SASH1: variants seen among roughly 807,000 people sequenced by gnomAD.
SASH1 encodes the protein SAM and SH3 domain-containing protein 1.
A neutral mutation model predicts 125.2 loss-of-function variants in SASH1; 44 were observed. The observed-to-expected ratio is 0.35, with a 90% CI of 0.28 to 0.45. SASH1 has a LOEUF of 0.45. SASH1 is among the 20% of genes least tolerant of loss of function. The pLI is 1.00. For synonymous variants in SASH1, 639 were observed against 649.1 expected (o/e 0.98, Z 0.24); for missense variants, 1,426 against 1,614.5 (o/e 0.88, Z 2.00).
At chr6:148,410,099 CTTTTTTTTTTTTTTTTT>C (rs869081496) in intron 2 of SASH1, among the ~76,000 whole-genome samples, 1 of 55,710 alleles carries the variant, frequency 1.8e-5, no homozygotes, top group African/African-American at 7.3e-5. Flanking sequence ...CAGAGCAGTC[CTTTTTTTTTTTTTTTTT>C]TTTTTTTTTT....
intron 4 of SASH1, among the ~76,000 whole-genome samples, chr6:148,453,653 G>T (rs1431542639): frequency 6.6e-6 from 1 of 152,140 alleles, no homozygotes; most frequent in Non-Finnish European, 1.5e-5. Context: ...GGCAGCTCAG[G>T]AAGTTTAATT....
rs1491446169 is a variant in SASH1, at chr6:148,387,498, T to TCTCTCTC, written c.157-2635_157-2629dup. 2.2e-5 allele frequency among the ~76,000 whole-genome samples: 3 copies of TCTCTCTC among 136,608 alleles called. 1 individual carries two copies. Among genetic ancestry groups the TCTCTCTC allele is most frequent in the Non-Finnish European group, 4.8e-5 (3 of 62,838 alleles). The allele number at this position is 136,608 out of a possible 152,430, so 89.6% of individuals were successfully genotyped here. A position where few individuals can be genotyped will look rare whatever the true frequency, so the allele number is the denominator to read the frequency against. On this transcript the variant is annotated intron_variant, in intron 1 of 19. Coordinates refer to ENST00000367467, the MANE Select transcript of SASH1 (RefSeq NM_015278.5). ...TCTTCTCTTCCCTTCCCTTCTCTCT[T>TCTCTCTC]CTCTCTCTTTCTTTTTCCTTCTTTC... is the stretch of plus-strand genomic sequence containing the variant.
intron 8 of SASH1, among the ~76,000 whole-genome samples, chr6:148,506,948 T>A (rs1406127054): frequency 6.6e-6 from 1 of 152,190 alleles, no homozygotes; most frequent in African/African-American, 2.4e-5. Flanking sequence ...TGCAAATGTT[T>A]AGCACAGTGC....
the SASH1 span, among the ~76,000 whole-genome samples, chr6:148,264,078 G>A: frequency 6.6e-6 from 1 of 151,000 alleles, no homozygotes; most frequent in Non-Finnish European, 1.5e-5. Context: ...CATAGGGCTG[G>A]ATGTAACTTT....
the SASH1 span, among the ~76,000 whole-genome samples, chr6:148,229,142 A>AAC: frequency 1.8e-4 from 21 of 117,568 alleles, no homozygotes; most frequent in African/African-American, 6.4e-4. Context: ...TCAAAAAAAA[A>AAC]AAAAAAAAAA....
At chr6:148,350,472 T>A (rs1410991286) in intron 1 of SASH1, among the ~76,000 whole-genome samples, 1 of 152,176 alleles carries the variant, frequency 6.6e-6, no homozygotes, top group East Asian at 1.9e-4. Context: ...TAGAGTACAG[T>A]GAAATAGTGG....
chr6:148,544,988 G>A lies in SASH1; in HGVS notation c.3348+170G>A, dbSNP rs527776458. Among the ~76,000 whole-genome samples, 231 of 152,220 alleles carry A rather than the reference G, an allele frequency of 1.5e-3. 1 individual carries two copies. The highest frequency in any genetic ancestry group is 2.9e-3 in the Non-Finnish European group (195 of 68,018). On this transcript the variant is annotated intron_variant, in intron 18 of 19. Transcript: ENST00000367467. This position sits in a 1 kb window ranked among gnomAD's most constrained non-coding sequence, Gnocchi z 6.4. ...CTTGACATGCATGTGTTCAGATATT[G>A]ACACCACCCCATTTCATCTCTCCGT...
intron 1 of SASH1, among the ~76,000 whole-genome samples, chr6:148,305,137 G>A (rs551625296): frequency 1.8e-4 from 28 of 152,268 alleles, no homozygotes; most frequent in Admixed American, 2.6e-4. Context: ...ATACACTTTT[G>A]GTCATTGTTC....
the SASH1 span, among the ~76,000 whole-genome samples, chr6:148,209,244 G>A: frequency 1.2e-4 from 18 of 152,156 alleles, no homozygotes; most frequent in African/African-American, 2.9e-4. Context: ...CAGCTATTCC[G>A]TAATACACCT....
rs1169457858 is a variant in SASH1, at chr6:148,308,810, G to A, written n.74+36433G>A. On this transcript the variant is annotated intron_variant and non_coding_transcript_variant, in intron 1 of 3. Coordinates refer to the SASH1 transcript ENST00000367469. ...ATAAGATTCTCTTTCTCTGCCAGAC[G>A]CAGTGGCTCATGCCTGTAATCCCAG... 2.6e-5 allele frequency among the ~76,000 whole-genome samples: 4 copies of A among 151,134 alleles called. No individual in the cohort carries two copies. The East Asian group carries it at 7.8e-4, about 30-fold the overall frequency.
the SASH1 span, among the ~76,000 whole-genome samples, chr6:148,244,213 C>G: frequency 1.3e-5 from 2 of 152,184 alleles, no homozygotes; most frequent in Non-Finnish European, 2.9e-5. Context: ...GGCCATTATT[C>G]CCCTCTACCA....
intron 4 of SASH1, among the ~76,000 whole-genome samples, chr6:148,445,381 C>T (rs1470827183): frequency 1.3e-5 from 2 of 152,186 alleles, no homozygotes; most frequent in African/African-American, 4.8e-5. Context: ...TTTGTGTCAA[C>T]TGGCTGAACA....
chr6:148,545,941 A>G, intron 18 of SASH1, 74 bp from the exon 19 acceptor site: 1 of 1,437,760 alleles, frequency 7.0e-7, no homozygotes, highest in Middle Eastern at 1.8e-4. Flanking sequence ...CCTACGTTAT[A>G]TGTGGTGTAT....
intron 2 of SASH1, among the ~76,000 whole-genome samples, chr6:148,393,220 A>ATTTTTT (rs11368072): frequency 7.9e-6 from 1 of 126,964 alleles, no homozygotes. Flanking sequence ...CTAATTTTGT[A>ATTTTTT]TTTTTTTTTT....
Position 148,519,453 on chromosome 6 carries a change from G to C in SASH1, c.863-94G>C. On this transcript the variant is annotated intron_variant, in intron 9 of 19. Transcript: ENST00000367467. This position sits in a 1 kb window ranked among gnomAD's most constrained non-coding sequence, Gnocchi z 4.8. ...AAGTGGGAGCTGGGTTTATAAAGAGGGTCATGATACGGAGAAAGGTGGTGA... is the reference window on the plus strand; with the variant it reads ...AAGTGGGAGCTGGGTTTATAAAGAGCGTCATGATACGGAGAAAGGTGGTGA... 2 of 874,728 alleles carry C rather than the reference G, an allele frequency of 2.3e-6. No homozygotes were observed. Among genetic ancestry groups the C allele is most frequent in the Non-Finnish European group, 3.6e-6 (2 of 554,734 alleles). The allele number at this position is 874,728 out of a possible 1,614,324, so 54.2% of individuals were successfully genotyped here. A position where few individuals can be genotyped will look rare whatever the true frequency, so the allele number is the denominator to read the frequency against.
intron 1 of SASH1, among the ~76,000 whole-genome samples, chr6:148,349,660 A>T (rs1192382659): frequency 6.6e-6 from 1 of 152,020 alleles, no homozygotes; most frequent in Non-Finnish European, 1.5e-5. Context: ...GAGAGCCCCA[A>T]CCAGATGTTT....
intron 9 of SASH1, among the ~76,000 whole-genome samples, chr6:148,518,917 A>G (rs945248262): frequency 6.6e-6 from 1 of 152,162 alleles, no homozygotes; most frequent in African/African-American, 2.4e-5. Flanking sequence ...GTGAGGCCTG[A>G]GTTGATGGGA....
chr6:148,458,522 ACTC>A (rs2115068300), intron 4 of SASH1, among the ~76,000 whole-genome samples: 1 of 152,202 alleles, frequency 6.6e-6, no homozygotes, highest in East Asian at 1.9e-4. Context: ...AGTTTTGTAA[ACTC>A]CTGGAAGGTA....
chr6:148,467,088 C>CTTTTTTTTTT (rs71004298), intron 4 of SASH1, among the ~76,000 whole-genome samples: 7 of 69,954 alleles, frequency 1.0e-4, no homozygotes, highest in Non-Finnish European at 1.2e-4. Context: ...TTCCCTGTTC[C>CTTTTTTTTTT]TTTTTTTTTT....
Sources: allele counts gnomAD v4.1 joint callset (sites outside exome capture counted in the v4.1 genomes callset), GRCh38; gene constraint gnomAD v4.1.1; non-coding constraint Gnocchi (gnomAD v3.1); transcripts MANE v1.5; gene names NCBI Gene and HGNC (gene_info 2026-07-23, HGNC 2026-07-21).